Variants in ISM1 observed in about 807,000 individuals in gnomAD.
The protein encoded by ISM1 is isthmin-1.
Under a neutral mutation model 46.3 loss-of-function variants are expected in ISM1, and 25 were observed. The ratio of observed to expected loss-of-function variants is 0.54; its 90% CI spans 0.39 to 0.75. The LOEUF is 0.75. ISM1 is among the 30% of genes least tolerant of loss of function. ISM1 has a pLI of 0.00. For missense variants in ISM1, 536 were observed against 625.4 expected (o/e 0.86, Z 1.52); for synonymous variants, 255 against 256.7 (o/e 0.99, Z 0.06).
chr20:13,224,762 CAA>C, intron 1 of ISM1, among the ~76,000 whole-genome samples: 1 of 149,794 alleles, frequency 6.7e-6, no homozygotes, highest in Non-Finnish European at 1.5e-5. Context: ...AGAAAAGCAA[CAA>C]TAATAGTTAA....
At chr20:13,257,376 G>T (rs538342324) in intron 1 of ISM1, among the ~76,000 whole-genome samples, 1 of 152,086 alleles carries the variant, frequency 6.6e-6, no homozygotes, top group African/African-American at 2.4e-5. Flanking sequence ...AATTAGCCAA[G>T]CGTGGTGGTG....
chr20:13,250,169 A>G (rs2039851627), intron 1 of ISM1, among the ~76,000 whole-genome samples: 1 of 152,160 alleles, frequency 6.6e-6, no homozygotes, highest in Non-Finnish European at 1.5e-5. Context: ...GACCACGTTG[A>G]TAGGGTAGCC....
chr20:13,321,256 A>ATT, the ISM1 span, among the ~76,000 whole-genome samples: 27 of 142,682 alleles, frequency 1.9e-4, no homozygotes, highest in African/African-American at 6.1e-4. Flanking sequence ...CCCCACATAA[A>ATT]AAAAAAAAAA....
In ISM1 at chr20:13,242,729, A is replaced by C. The variant is rs116273229; in HGVS notation, c.138+20815A>C. Among the ~76,000 whole-genome samples, 546 of 152,270 alleles carry C rather than the reference A, an allele frequency of 3.6e-3. 3 individuals carry two copies. Among genetic ancestry groups the C allele is most frequent in the African/African-American group, 0.012 (499 of 41,542 alleles). ...TGCTTATTAAGGTTGGTATAAAAGC[A>C]TCAGATGAGGGGTAGGAATTACTTG... is the stretch of plus-strand genomic sequence containing the variant. On this transcript the variant is annotated intron_variant, in intron 1 of 5. Coordinates refer to ENST00000262487, the MANE Select transcript of ISM1 (RefSeq NM_080826.2).
chr20:13,266,103 T>C (rs1424851091), intron 1 of ISM1, among the ~76,000 whole-genome samples: 1 of 152,176 alleles, frequency 6.6e-6, no homozygotes, highest in Non-Finnish European at 1.5e-5. Context: ...TTACTCCTCA[T>C]GGGGCAGAAT....
At chr20:13,319,924 G>A in the ISM1 span, among the ~76,000 whole-genome samples, 624 of 152,284 alleles carry the variant, frequency 4.1e-3, 1 homozygote, top group Middle Eastern at 0.017. Context: ...TGGGAAACAG[G>A]GACAGGGCAG....
intron 1 of ISM1, among the ~76,000 whole-genome samples, chr20:13,227,242 C>A (rs761545284): frequency 6.6e-6 from 1 of 152,176 alleles, no homozygotes; most frequent in South Asian, 2.1e-4. Context: ...CTCACTCTAT[C>A]TCCCAGGCTG....
chr20:13,268,181 CTT>C (rs2123242931), intron 1 of ISM1, among the ~76,000 whole-genome samples: 1 of 151,344 alleles, frequency 6.6e-6, no homozygotes, highest in South Asian at 2.1e-4. Context: ...CTCCTCTCCT[CTT>C]CTCTTCACTT....
At chr20:13,306,257 G>T in the ISM1 span, among the ~76,000 whole-genome samples, 1 of 152,048 alleles carries the variant, frequency 6.6e-6, no homozygotes, top group African/African-American at 2.4e-5. Flanking sequence ...TTTTAAAAAA[G>T]AAAAAGGAAT....
chr20:13,311,966 T>C, the ISM1 span, among the ~76,000 whole-genome samples: 1 of 152,222 alleles, frequency 6.6e-6, no homozygotes, highest in Non-Finnish European at 1.5e-5. Flanking sequence ...TGGTGATTGA[T>C]ATGTTAACTA....
intron 4 of ISM1, 77 bp downstream of exon 4, chr20:13,288,760 G>T: frequency 2.1e-6 from 3 of 1,409,336 alleles, no homozygotes; most frequent in South Asian, 1.3e-5. Context: ...TAGTGACATT[G>T]TCTTTTTAAA....
chr20:13,270,431 A>G (rs1437455843), intron 1 of ISM1, 73 bp from the exon 2 acceptor site: 1 of 1,499,718 alleles, frequency 6.7e-7, no homozygotes, highest in East Asian at 2.5e-5. Context: ...TCCTGAATAT[A>G]ATGGACTGTT....
At chr20:13,228,098 A>G (rs999465455) in intron 1 of ISM1, among the ~76,000 whole-genome samples, 4 of 150,912 alleles carry the variant, frequency 2.7e-5, no homozygotes, top group African/African-American at 9.7e-5. Flanking sequence ...TCAGCCTCCC[A>G]AATAGCTGGG....
At chr20:13,277,757 T>G (rs2040196713) in intron 2 of ISM1, among the ~76,000 whole-genome samples, 3 of 151,918 alleles carry the variant, frequency 2.0e-5, no homozygotes, top group Admixed American at 1.3e-4. Flanking sequence ...AAGCTAGTAG[T>G]GCCCTTCTAG....
chr20:13,251,109 T>G (rs565488455), intron 1 of ISM1, among the ~76,000 whole-genome samples: 2 of 152,188 alleles, frequency 1.3e-5, no homozygotes, highest in African/African-American at 2.4e-5. Flanking sequence ...CCTATAATAC[T>G]TTAATTATTC....
chr20:13,241,912 AAGG>A (rs920252318), intron 1 of ISM1, among the ~76,000 whole-genome samples: 2 of 152,076 alleles, frequency 1.3e-5, no homozygotes, highest in Non-Finnish European at 2.9e-5. Flanking sequence ...TCAAATATAT[AAGG>A]AGAAGAGAAA....
At chr20:13,222,726 G>C (rs1044862802) in intron 1 of ISM1, among the ~76,000 whole-genome samples, 1 of 152,220 alleles carries the variant, frequency 6.6e-6, no homozygotes, top group Non-Finnish European at 1.5e-5. Flanking sequence ...TCTGACTTAG[G>C]AATAGAATTG....
At chr20:13,323,912 G>C in the ISM1 span, among the ~76,000 whole-genome samples, 1 of 152,154 alleles carries the variant, frequency 6.6e-6, no homozygotes, top group Non-Finnish European at 1.5e-5. Flanking sequence ...TTAATAGCCT[G>C]AATGATAAGA....
At chr20:13,246,120 AG>A (rs111343684) in intron 1 of ISM1, among the ~76,000 whole-genome samples, 5,507 of 152,190 alleles carry the variant, frequency 0.036, 173 homozygotes, top group African/African-American at 0.077. Flanking sequence ...TACACAAAAA[AG>A]AATTAGTCGG....
Sources: gnomAD v4.1 joint callset for allele counts (sites outside exome capture counted in the v4.1 genomes callset) on GRCh38, gnomAD v4.1.1 for gene constraint, MANE v1.5 for transcripts, NCBI Gene and HGNC (gene_info 2026-07-23, HGNC 2026-07-21) for gene names.